ILRUN: variants seen among roughly 807,000 people sequenced by gnomAD.
The protein encoded by ILRUN is protein ILRUN.
ILRUN carries 3 observed loss-of-function variants against 33.8 expected under a neutral mutation model. That is an observed-to-expected ratio of 0.09 (90% confidence interval 0.04 to 0.23). ILRUN has a LOEUF of 0.23. ILRUN is among the 10% of genes least tolerant of loss of function. The probability of loss-of-function intolerance (pLI) is 1.00; values close to 1 mark genes in which losing one functional copy is unlikely to be tolerated. For synonymous variants in ILRUN, 124 were observed against 138.9 expected, an observed-to-expected ratio of 0.89 and a Z score of 0.75; for missense variants, 210 against 375.1, an observed-to-expected ratio of 0.56 and a Z score of 3.64.
intron 1 of ILRUN, among the ~76,000 whole-genome samples, chr6:34,669,623 T>C (rs1466490020): frequency 6.6e-6 from 1 of 152,132 alleles, no homozygotes; most frequent in Non-Finnish European, 1.5e-5. Context: ...TGAATAATTG[T>C]GTGTGAAGGC....
At chr6:34,696,057 C>A (rs1439870852) in intron 1 of ILRUN, among the ~76,000 whole-genome samples, 1 of 152,072 alleles carries the variant, frequency 6.6e-6, no homozygotes, top group African/African-American at 2.4e-5. Context: ...TTTCCCCACT[C>A]CCCAAATCCA....
chr6:34,683,945 T>A (rs1179264158), intron 1 of ILRUN, among the ~76,000 whole-genome samples: 1 of 151,688 alleles, frequency 6.6e-6, no homozygotes, highest in Non-Finnish European at 1.5e-5. Flanking sequence ...GTGCCTGTGG[T>A]CCCAGCTACT....
chr6:34,665,892 T>C (rs769754767), intron 1 of ILRUN, among the ~76,000 whole-genome samples: 6 of 152,054 alleles, frequency 3.9e-5, no homozygotes, highest in Non-Finnish European at 8.8e-5. Flanking sequence ...CTAATAATTC[T>C]TGCCTTTGAG....
At position 34,589,091 on chromosome 6, in the gene ILRUN, CAAACCAACTAAGA is replaced by C. The variant is rs1397562479; in HGVS notation, c.*1461_*1473del. ...ACCCTGGATCCATATCCCTGGCTCT[CAAACCAACTAAGA>C]CTTGAGGGAAGGAGGGGGGTAAGAG... On this transcript the variant is annotated 3_prime_UTR_variant, in exon 5 of 5. Coordinates refer to ENST00000374023, the MANE Select transcript of ILRUN (RefSeq NM_024294.4). The C allele has an allele frequency of 6.5e-6, 1 of 152,950 alleles. No individual in the cohort carries two copies. The highest frequency in any genetic ancestry group is 1.5e-5 in the Non-Finnish European group (1 of 68,268). 9.5% of individuals were successfully genotyped at this position (152,950 alleles called of 1,614,324 possible). A position where few individuals can be genotyped will look rare whatever the true frequency, so the allele number is the denominator to read the frequency against.
intron 1 of ILRUN, among the ~76,000 whole-genome samples, chr6:34,681,826 G>C (rs540991554): frequency 6.8e-6 from 1 of 146,904 alleles, no homozygotes; most frequent in Non-Finnish European, 1.5e-5. Flanking sequence ...TATTTCAAAT[G>C]ACCAAAGTCC....
At chr6:34,666,582 T>C (rs1253519741) in intron 1 of ILRUN, among the ~76,000 whole-genome samples, 1 of 151,996 alleles carries the variant, frequency 6.6e-6, no homozygotes. Flanking sequence ...AGAAGAGCTA[T>C]ATACTTACAA....
chr6:34,590,520 C>G lies in ILRUN; in HGVS notation c.*45G>C. ...ACCCCTTGCCCTAACCCCCCAAAGTCAGGCCTTCTGTCTTTTGTTAATTTT... is the reference window on the plus strand; with the variant it reads ...ACCCCTTGCCCTAACCCCCCAAAGTGAGGCCTTCTGTCTTTTGTTAATTTT... On this transcript the variant is annotated 3_prime_UTR_variant, in exon 5 of 5. Coordinates refer to ENST00000374023, the MANE Select transcript of ILRUN (RefSeq NM_024294.4). 1 of 1,613,350 alleles carries G rather than the reference C, an allele frequency of 6.2e-7. No homozygotes were observed. The highest frequency in any genetic ancestry group is 8.5e-7 in the Non-Finnish European group (1 of 1,179,628).
Position 34,589,217 on chromosome 6 carries a change from C to T in ILRUN, c.*1348G>A, listed in dbSNP as rs570626001. On this transcript the variant is annotated 3_prime_UTR_variant, in exon 5 of 5. Coordinates refer to ENST00000374023, the MANE Select transcript of ILRUN (RefSeq NM_024294.4). ...GGAGATATCCACATCTCAACCTGCT[C>T]AGAATCTACAGGATGCCAGGGCAGG... 6.5e-6 allele frequency: 1 copy of T among 152,710 alleles called. No homozygotes were observed. Among genetic ancestry groups the T allele is most frequent in the Non-Finnish European group, 1.5e-5 (1 of 68,056 alleles). The allele number at this position is 152,710 out of a possible 1,614,324, so 9.5% of individuals were successfully genotyped here. A position where few individuals can be genotyped will look rare whatever the true frequency, so the allele number is the denominator to read the frequency against.
intron 1 of ILRUN, among the ~76,000 whole-genome samples, chr6:34,691,316 A>T (rs930359256): frequency 1.3e-5 from 2 of 152,204 alleles, no homozygotes; most frequent in Non-Finnish European, 2.9e-5. Flanking sequence ...AAGTCATTTC[A>T]ATTTGGTTTT....
chr6:34,609,933 T>C (rs372994402), intron 3 of ILRUN, among the ~76,000 whole-genome samples: 3 of 151,814 alleles, frequency 2.0e-5, no homozygotes, highest in East Asian at 1.9e-4. Flanking sequence ...CCGAGGCAGG[T>C]GGATCACGAG....
chr6:34,628,409 C>T (rs1237252704), intron 3 of ILRUN, among the ~76,000 whole-genome samples: 4 of 151,984 alleles, frequency 2.6e-5, no homozygotes, highest in African/African-American at 7.3e-5. Flanking sequence ...CTGCAACCTC[C>T]GCCTCCCAGG....
chr6:34,591,056 A>C (rs1364480080), intron 4 of ILRUN, among the ~76,000 whole-genome samples: 1 of 152,236 alleles, frequency 6.6e-6, no homozygotes, highest in Non-Finnish European at 1.5e-5. Context: ...CTATTTACTT[A>C]GCACCTAGGT....
chr6:34,649,891 T>C (rs1271670466), intron 2 of ILRUN, among the ~76,000 whole-genome samples: 3 of 152,310 alleles, frequency 2.0e-5, no homozygotes, highest in South Asian at 2.1e-4. Flanking sequence ...AGAATCATAC[T>C]GAAGAGAAAG....
rs190445535 is a variant in ILRUN at position 34,610,319 on chromosome 6, G to A, written c.512-3415C>T. On this transcript the variant is annotated intron_variant, in intron 3 of 4. Coordinates refer to ENST00000374023, the MANE Select transcript of ILRUN (RefSeq NM_024294.4). Reference sequence around the variant, plus strand: ...ACAGTGCCAGGAATAGTGGGTCAGAGGACCTGTGTTCAAAGCTCAATCTCA... The same window carrying A: ...ACAGTGCCAGGAATAGTGGGTCAGAAGACCTGTGTTCAAAGCTCAATCTCA... Among the ~76,000 whole-genome samples, 598 of 152,280 alleles carry A rather than the reference G, an allele frequency of 3.9e-3. 4 individuals are homozygous for A. The highest frequency in any genetic ancestry group is 0.014 in the African/African-American group (574 of 41,538).
At chr6:34,611,420 C>T (rs1270844859) in intron 3 of ILRUN, among the ~76,000 whole-genome samples, 1 of 152,148 alleles carries the variant, frequency 6.6e-6, no homozygotes, top group Non-Finnish European at 1.5e-5. Flanking sequence ...AGTTCTGACC[C>T]TCCTAAGTTA....
chr6:34,673,285 C>T lies in ILRUN; in HGVS notation c.159-18506G>A, dbSNP rs557256818. ...ACCCCAGGGGTGAGATCTGTGCAGA[C>T]CTAGAGCTCACCCAGTCCAGATCAG... On this transcript the variant is annotated intron_variant, in intron 1 of 4. Transcript: ENST00000374023. 1.2e-3 allele frequency among the ~76,000 whole-genome samples: 176 copies of T among 152,268 alleles called. 1 individual carries two copies. The highest frequency in any genetic ancestry group is 4.1e-3 in the African/African-American group (172 of 41,542).
chr6:34,594,583 T>C (rs1347474857), intron 4 of ILRUN, among the ~76,000 whole-genome samples: 1 of 152,166 alleles, frequency 6.6e-6, no homozygotes, highest in Admixed American at 6.5e-5. Context: ...GGGGCTGAGG[T>C]GTTGCTTGTT....
intron 2 of ILRUN, among the ~76,000 whole-genome samples, chr6:34,653,132 C>CAAAAAAAAAAAAAA (rs947213125): frequency 3.9e-5 from 2 of 51,454 alleles, no homozygotes; most frequent in Non-Finnish European, 8.6e-5. Flanking sequence ...GACCTTGTCT[C>CAAAAAAAAAAAAAA]AAAAAAAAAA....
chr6:34,638,066 T>C (rs1253382661), intron 3 of ILRUN, among the ~76,000 whole-genome samples: 1 of 151,966 alleles, frequency 6.6e-6, no homozygotes. Context: ...TTTTGTATTT[T>C]TGGTAGAGAT....
Sources: gnomAD v4.1 joint callset for allele counts (sites outside exome capture counted in the v4.1 genomes callset) on GRCh38, gnomAD v4.1.1 for gene constraint, MANE v1.5 for transcripts, NCBI Gene and HGNC (gene_info 2026-07-23, HGNC 2026-07-21) for gene names.